The following UMAD1 variants were observed in gnomAD, a reference collection of about 807,000 sequenced individuals.
UMAD1 encodes the protein UBAP1-MVB12-associated (UMA)-domain containing protein 1.
UMAD1 carries 8 observed loss-of-function variants against 6.1 expected under a neutral mutation model. The observed-to-expected ratio is 1.30, with a 90% CI of 0.76 to 2.35. The LOEUF (loss-of-function observed/expected upper bound fraction) is 2.35, where lower values mean the gene tolerates loss of function less well. Ranked by LOEUF, UMAD1 falls within the 30% of genes most tolerant of loss-of-function variation. The probability of loss-of-function intolerance (pLI) is 0.00; values close to 1 mark genes in which losing one functional copy is unlikely to be tolerated. For missense variants in UMAD1, 130 were observed against 78.4 expected (o/e 1.66, Z -2.49); for synonymous variants, 56 against 31.4 (o/e 1.78, Z -2.61).
intron 2 of UMAD1, among the ~76,000 whole-genome samples, chr7:7,728,415 G>A (rs1781183754): frequency 6.6e-6 from 1 of 152,178 alleles, no homozygotes; most frequent in South Asian, 2.1e-4. Flanking sequence ...GGAGGCCAAG[G>A]TGGGCGGATC....
intron 3 of UMAD1, among the ~76,000 whole-genome samples, chr7:7,863,419 C>A (rs1331954862): frequency 6.6e-6 from 1 of 152,186 alleles, no homozygotes; most frequent in Non-Finnish European, 1.5e-5. Context: ...TCTCTTAGAT[C>A]TAACTGAGTT....
At chr7:7,799,541 G>A (rs972127915) in intron 2 of UMAD1, among the ~76,000 whole-genome samples, 1 of 152,232 alleles carries the variant, frequency 6.6e-6, no homozygotes, top group Non-Finnish European at 1.5e-5. Context: ...GTGATGGATG[G>A]AATAGTAATC....
chr7:7,711,230 C>T (rs558212823), intron 2 of UMAD1, among the ~76,000 whole-genome samples: 1 of 152,262 alleles, frequency 6.6e-6, no homozygotes, highest in South Asian at 2.1e-4. Flanking sequence ...CATATAATTT[C>T]TCCAATCTGC....
intron 1 of UMAD1, among the ~76,000 whole-genome samples, chr7:7,661,048 T>C (rs1785462793): frequency 6.6e-6 from 1 of 152,152 alleles, no homozygotes; most frequent in Non-Finnish European, 1.5e-5. Context: ...GTCTTCATGC[T>C]TTATTTCATT....
intron 3 of UMAD1, among the ~76,000 whole-genome samples, chr7:7,816,459 A>C (rs1563229784): frequency 6.6e-6 from 1 of 152,228 alleles, no homozygotes; most frequent in Non-Finnish European, 1.5e-5. Flanking sequence ...TGTAGAGATG[A>C]GGCCGGGAGA....
intron 1 of UMAD1, among the ~76,000 whole-genome samples, chr7:7,645,172 T>C (rs986583176): frequency 1.3e-5 from 2 of 152,204 alleles, no homozygotes; most frequent in Non-Finnish European, 2.9e-5. Context: ...TTTGAATAAT[T>C]ATAGTTTTGT....
At chr7:7,838,742 A>G (rs923463105) in intron 3 of UMAD1, among the ~76,000 whole-genome samples, 1 of 152,216 alleles carries the variant, frequency 6.6e-6, no homozygotes, top group Non-Finnish European at 1.5e-5. Context: ...TTCACAAATG[A>G]AATACTCTTA....
intron 3 of UMAD1, among the ~76,000 whole-genome samples, chr7:7,862,322 T>A (rs1178515613): frequency 6.6e-6 from 1 of 152,216 alleles, no homozygotes; most frequent in Non-Finnish European, 1.5e-5. Flanking sequence ...TATGTTTCAC[T>A]GAAATGAGTA....
chr7:7,819,293 A>G (rs553150195), intron 3 of UMAD1, among the ~76,000 whole-genome samples: 1 of 149,452 alleles, frequency 6.7e-6, no homozygotes, highest in South Asian at 2.2e-4. Flanking sequence ...TCTTCAAACC[A>G]TGAATATATT....
intron 1 of UMAD1, among the ~76,000 whole-genome samples, chr7:7,668,447 A>G (rs1207500072): frequency 1.3e-5 from 2 of 152,160 alleles, no homozygotes; most frequent in Non-Finnish European, 1.5e-5. Context: ...TTATTACTAT[A>G]TATTGTTATA....
rs1025916952 is a variant in UMAD1, at chr7:7,743,720, A to T, written c.83-57950A>T. Reference sequence around the variant, plus strand: ...TATGTATAATATATATTATACATATACATATATATTTTCCATTCTGCACTT... The same window carrying T: ...TATGTATAATATATATTATACATATTCATATATATTTTCCATTCTGCACTT... On this transcript the variant is annotated intron_variant, in intron 2 of 3. Transcript: ENST00000682710. Among the ~76,000 whole-genome samples the T allele has an allele frequency of 6.6e-5, 10 of 151,088 alleles. No individual in the cohort carries two copies. The South Asian group carries it at 2.1e-3, about 31-fold the overall frequency.
chr7:7,680,578 T>A (rs1358749061), intron 2 of UMAD1, among the ~76,000 whole-genome samples: 1 of 152,172 alleles, frequency 6.6e-6, no homozygotes, highest in East Asian at 1.9e-4. Context: ...CTGTGAAGAA[T>A]GTCTTTGGTA....
At chr7:7,662,503 T>C (rs1034420417) in intron 1 of UMAD1, among the ~76,000 whole-genome samples, 1 of 152,190 alleles carries the variant, frequency 6.6e-6, no homozygotes, top group Non-Finnish European at 1.5e-5. Flanking sequence ...AAAAGCGTAG[T>C]ATCCGGACCG....
intron 1 of UMAD1, among the ~76,000 whole-genome samples, chr7:7,670,685 T>C (rs923663154): frequency 6.6e-6 from 1 of 152,236 alleles, no homozygotes; most frequent in Non-Finnish European, 1.5e-5. Context: ...GATGTGGTAC[T>C]CTTGGTCTGG....
intron 2 of UMAD1, among the ~76,000 whole-genome samples, chr7:7,749,955 C>G (rs998620861): frequency 1.3e-5 from 2 of 151,946 alleles, no homozygotes; most frequent in East Asian, 1.9e-4. Flanking sequence ...CAGTCTCAGT[C>G]CAAGACAAGG....
At chr7:7,864,667 A>G (rs1173803846) in intron 3 of UMAD1, among the ~76,000 whole-genome samples, 1 of 150,958 alleles carries the variant, frequency 6.6e-6, no homozygotes, top group East Asian at 1.9e-4. Context: ...GTCTTGAAGA[A>G]TTGAGTTTTT....
intron 2 of UMAD1, among the ~76,000 whole-genome samples, chr7:7,716,512 T>C (rs1310442537): frequency 6.6e-6 from 1 of 152,198 alleles, no homozygotes; most frequent in Non-Finnish European, 1.5e-5. Flanking sequence ...GTGCCAATAG[T>C]AAAGGGCCAC....
intron 2 of UMAD1, among the ~76,000 whole-genome samples, chr7:7,717,450 GGT>G (rs1178500023): frequency 5.9e-5 from 9 of 152,058 alleles, no homozygotes; most frequent in African/African-American, 2.2e-4. Flanking sequence ...GATAACCTCA[GGT>G]ATTTACCTCA....
chr7:7,756,322 G>A (rs1380674633), intron 2 of UMAD1, among the ~76,000 whole-genome samples: 1 of 152,238 alleles, frequency 6.6e-6, no homozygotes, highest in African/African-American at 2.4e-5. Context: ...GAATTAAAGT[G>A]TGAGTGGTTC....
Sources: allele counts gnomAD v4.1 joint callset (sites outside exome capture counted in the v4.1 genomes callset), GRCh38; gene constraint gnomAD v4.1.1; transcripts MANE v1.5; gene names NCBI Gene and HGNC (gene_info 2026-07-23, HGNC 2026-07-21).